Variants in SLC46A2 observed in about 807,000 individuals in gnomAD.
SLC46A2 encodes the protein thymic stromal co-transporter.
Under a neutral mutation model 33.1 loss-of-function variants are expected in SLC46A2, and 25 were observed. The ratio of observed to expected loss-of-function variants is 0.76; its 90% CI spans 0.55 to 1.06. The LOEUF (loss-of-function observed/expected upper bound fraction) is 1.06, where lower values mean the gene tolerates loss of function less well. Ranked by LOEUF, SLC46A2 falls within the 50% of genes least tolerant of loss-of-function variation. The pLI is 0.00. For synonymous variants in SLC46A2, 254 were observed against 275.9 expected (o/e 0.92, Z 0.79); for missense variants, 622 against 621.7 (o/e 1.00, Z 0.00).
In SLC46A2 at chr9:112,890,568, C is replaced by T. The variant is rs750803135; in HGVS notation, c.114G>A (p.Ala38=). The T allele has an allele frequency of 1.9e-5, 31 of 1,612,882 alleles. No individual in the cohort carries two copies. Among genetic ancestry groups the T allele is most frequent in the Non-Finnish European group, 2.2e-5 (26 of 1,180,012 alleles). ...SSQVAASLYD[A]GLLLVVKASY... is the part of the protein sequence containing the mutation. ...ACGCCTTCACCACGAGGAGTAGCCC[C>T]GCATCGTAGAGGGAGGCAGCCACCT... Residue 38 remains alanine, a synonymous_variant, in exon 1 of 4, where the codon GCG becomes GCA. Coordinates refer to ENST00000374228, the MANE Select transcript of SLC46A2 (RefSeq NM_033051.4). This position sits in a 1 kb window ranked among gnomAD's most constrained non-coding sequence, Gnocchi z 6.0.
chr9:112,889,054 C>A (rs1170836928), intron 1 of SLC46A2, among the ~76,000 whole-genome samples: 1 of 152,066 alleles, frequency 6.6e-6, no homozygotes, highest in African/African-American at 2.4e-5. Context: ...CCACACCTGG[C>A]TAATTTTTAT....
intron 1 of SLC46A2, 110 bp downstream of exon 1, chr9:112,889,443 G>T (rs914526902): frequency 1.0e-4 from 124 of 1,194,032 alleles, no homozygotes; most frequent in Non-Finnish European, 1.4e-4. Flanking sequence ...TAGGTAGCAG[G>T]TTCAATCCCT....
In SLC46A2 at chr9:112,890,177, G is replaced by T. The variant is rs201803107; in HGVS notation, c.505C>A (p.Arg169Ser). The T allele has an allele frequency of 2.0e-5, 33 of 1,612,898 alleles. No individual in the cohort carries two copies. The highest frequency in any genetic ancestry group is 2.8e-5 in the Non-Finnish European group (33 of 1,179,906). ...TCAATGAGGATGAGGCGCACAGAGC[G>T]GCGGCCCTCGGAGGAGCCCAGCGAT... ...LGSLGSSEGR[R>S]SVRLILIDLM... is the part of the protein sequence containing the mutation. The change falls in exon 1 of 4, where the codon CGC becomes AGC. Residue 169 changes from arginine to serine, a missense_variant. Transcript: ENST00000374228. The surrounding 1 kb of genome is among the most constrained non-coding windows in gnomAD (Gnocchi z 6.0).
chr9:112,880,034 G>C lies in SLC46A2; in HGVS notation c.1371-215C>G, dbSNP rs1340766170. 11 of 452,666 alleles carry C rather than the reference G, an allele frequency of 2.4e-5. No homozygotes were observed. In the East Asian group the frequency reaches 3.6e-4, roughly 15 times the overall value. 28.0% of individuals were successfully genotyped at this position (452,666 alleles called of 1,614,324 possible). ...CATTTGCTTCCCCATTGTTCCTTTA[G>C]ATAGAATCTCTGGGGGCCAGGCATG... On this transcript the variant is annotated intron_variant, in intron 3 of 3. Coordinates refer to ENST00000374228, the MANE Select transcript of SLC46A2 (RefSeq NM_033051.4).
intron 3 of SLC46A2, among the ~76,000 whole-genome samples, chr9:112,883,920 C>T (rs1482747507): frequency 6.6e-6 from 1 of 152,192 alleles, no homozygotes; most frequent in East Asian, 1.9e-4. Flanking sequence ...TGGTCTCAAA[C>T]TCCTGACCTT....
Position 112,889,569 on chromosome 9 carries a change from T to C in SLC46A2, c.1113A>G (p.Thr371=). ...CAGACTCACCAATATAGAACATGTA[T>C]GTCTCTTTCACAAAAGCCAAGAGGA... ...GALLLAFVKE[T]YMFYIARAVM... The change falls in exon 1 of 4, where the codon ACA becomes ACG. Residue 371 remains threonine, a synonymous_variant. Transcript: ENST00000374228. 1 of 1,612,764 alleles carries C rather than the reference T, an allele frequency of 6.2e-7. No homozygotes were observed. Among genetic ancestry groups the C allele is most frequent in the Non-Finnish European group, 8.5e-7 (1 of 1,179,324 alleles).
intron 3 of SLC46A2, among the ~76,000 whole-genome samples, chr9:112,883,763 T>A (rs1841612268): frequency 6.6e-6 from 1 of 150,630 alleles, no homozygotes; most frequent in African/African-American, 2.4e-5. Context: ...AGTGGCACGA[T>A]CTCAGCTCAC....
At chr9:112,881,008 CTCAAGA>C (rs1410269863) in intron 3 of SLC46A2, among the ~76,000 whole-genome samples, 3 of 152,218 alleles carry the variant, frequency 2.0e-5, no homozygotes, top group African/African-American at 7.2e-5. Flanking sequence ...CCATCTATAT[CTCAAGA>C]TCAAGATTAA....
Position 112,889,880 on chromosome 9 carries a change from C to T in SLC46A2, c.802G>A (p.Gly268Arg). ...GCTTTTCCAGGAGATGGAGGGTGCCCCACTGCATACTGTTGGTCCAACTGA... is the reference window on the plus strand; with the variant it reads ...GCTTTTCCAGGAGATGGAGGGTGCCTCACTGCATACTGTTGGTCCAACTGA... ...PDQLDQQYAV[G>R]HPPSPGKAKP... The change falls in exon 1 of 4, where the codon GGG (glycine) becomes AGG (arginine). Residue 268 changes from glycine (G) to arginine (R), a missense_variant. Coordinates refer to ENST00000374228, the MANE Select transcript of SLC46A2 (RefSeq NM_033051.4). The T allele has an allele frequency of 1.2e-6, 2 of 1,614,210 alleles. No homozygotes were observed. The highest frequency in any genetic ancestry group is 1.7e-6 in the Non-Finnish European group (2 of 1,180,042).
At position 112,879,687 on chromosome 9, in the gene SLC46A2, G is replaced by T; in HGVS notation, c.*75C>A. The T allele has an allele frequency of 7.0e-7, 1 of 1,428,620 alleles. No homozygotes were observed. Among genetic ancestry groups the T allele is most frequent in the Non-Finnish European group, 9.8e-7 (1 of 1,019,040 alleles). The allele number at this position is 1,428,620 out of a possible 1,614,324, so 88.5% of individuals were successfully genotyped here. ...AAGCAGTGGGTTGCTTAGGTCACCA[G>T]TTCCCTGGTCCCTTCTTTTGTCTTC... On this transcript the variant is annotated 3_prime_UTR_variant, in exon 4 of 4. Coordinates refer to ENST00000374228, the MANE Select transcript of SLC46A2 (RefSeq NM_033051.4).
In SLC46A2 at chr9:112,879,552, G is replaced by C. The variant is rs902597936; in HGVS notation, c.*210C>G. 3.7e-6 allele frequency: 2 copies of C among 535,870 alleles called. No homozygotes were observed. The highest frequency in any genetic ancestry group is 5.2e-5 in the South Asian group (2 of 38,284). The allele number at this position is 535,870 out of a possible 1,614,324, so 33.2% of individuals were successfully genotyped here. ...GTCTGCCTAATGGGGGTGTCTTAAA[G>C]CTGAGAACGTTTTTCCATCACCAGG... On this transcript the variant is annotated 3_prime_UTR_variant, in exon 4 of 4. Coordinates refer to ENST00000374228, the MANE Select transcript of SLC46A2 (RefSeq NM_033051.4).
In SLC46A2 at chr9:112,889,538, G is replaced by T; in HGVS notation, c.1129+15C>A. On this transcript the variant is annotated intron_variant, in intron 1 of 3. Transcript: ENST00000374228. ...GGCTAGCAATGTCCTGCCTCCTCAA[G>T]AATGACAGACTCACCAATATAGAAC... 1 of 1,589,008 alleles carries T rather than the reference G, an allele frequency of 6.3e-7. No homozygotes were observed. Among genetic ancestry groups the T allele is most frequent in the South Asian group, 1.1e-5 (1 of 86,968 alleles).
intron 3 of SLC46A2, chr9:112,880,072 T>C: frequency 2.7e-6 from 1 of 367,338 alleles, no homozygotes; most frequent in Non-Finnish European, 5.0e-6. Context: ...GGCTTATGCC[T>C]GTAATCCCAA....
Position 112,889,790 on chromosome 9 carries a change from C to T in SLC46A2, c.892G>A (p.Val298Met). Residue 298 changes from valine (V) to methionine (M), a missense_variant, in exon 1 of 4, where the codon GTG becomes ATG. By Grantham distance (21) the Val-to-Met change is conservative. Coordinates refer to ENST00000374228, the MANE Select transcript of SLC46A2 (RefSeq NM_033051.4). ...VGAIIYDLAV[V>M]GTVDVIPLFV... ...AGAGGGATCACGTCCACTGTGCCCACCACCGCCAGGTCATATATGATAGCA... is the reference window on the plus strand; with the variant it reads ...AGAGGGATCACGTCCACTGTGCCCATCACCGCCAGGTCATATATGATAGCA... 1 of 1,614,210 alleles carries T rather than the reference C, an allele frequency of 6.2e-7. No individual in the cohort carries two copies. Among genetic ancestry groups the T allele is most frequent in the African/African-American group, 1.3e-5 (1 of 75,046 alleles).
chr9:112,887,477 CA>C (rs1841657188), intron 1 of SLC46A2, 64 bp from the exon 2 acceptor site: 3 of 1,451,424 alleles, frequency 2.1e-6, no homozygotes, highest in Non-Finnish European at 2.8e-6. Flanking sequence ...AGGAAATTAT[CA>C]AAAGCCTCTC....
rs1047200277 is a variant in SLC46A2 at position 112,890,811 on chromosome 9, A to T, written c.-130T>A. 2.2e-4 allele frequency: 163 copies of T among 746,970 alleles called. No individual in the cohort carries two copies. Among genetic ancestry groups the T allele is most frequent in the Middle Eastern group, 1.6e-3 (4 of 2,568 alleles). 46.3% of individuals were successfully genotyped at this position (746,970 alleles called of 1,614,324 possible). On this transcript the variant is annotated 5_prime_UTR_variant, in exon 1 of 4. Transcript: ENST00000374228. This position sits in a 1 kb window ranked among gnomAD's most constrained non-coding sequence, Gnocchi z 6.0. ...GTGTGCTCCGTGCGCCGGGAGCGCG[A>T]GTGTGCTCCGTGCGCCGGGAGCGCG... is the stretch of plus-strand genomic sequence containing the variant.
rs982140815 is a variant in SLC46A2, at chr9:112,879,788, G to T, written c.1402C>A (p.Pro468Thr). 1 of 1,613,076 alleles carries T rather than the reference G, an allele frequency of 6.2e-7. No homozygotes were observed. The highest frequency in any genetic ancestry group is 1.3e-5 in the African/African-American group (1 of 75,012). The part of the protein sequence containing the change: ...IVAYKQVPLS[P>T]YGDIIEK ...CATTTCTCTATGATGTCTCCATATG[G>T]TGACAATGGGACTTGTTTATAGGCC... The change falls in exon 4 of 4, where the codon CCA becomes ACA. Residue 468 changes from proline to threonine, a missense_variant. By Grantham distance (38) the Pro-to-Thr change is conservative (BLOSUM62 -1). Coordinates refer to ENST00000374228, the MANE Select transcript of SLC46A2 (RefSeq NM_033051.4).
chr9:112,883,167 A>C (rs963316556), intron 3 of SLC46A2, among the ~76,000 whole-genome samples: 1 of 152,176 alleles, frequency 6.6e-6, no homozygotes, highest in African/African-American at 2.4e-5. Flanking sequence ...GTGAGAAGAA[A>C]GTGAATGGGA....
At chr9:112,884,354 G>T (rs1369499526) in intron 3 of SLC46A2, among the ~76,000 whole-genome samples, 2 of 152,230 alleles carry the variant, frequency 1.3e-5, no homozygotes, top group Non-Finnish European at 2.9e-5. Context: ...TCTTCCTGTG[G>T]TTCGAAAGCT....
Sources: allele counts gnomAD v4.1 joint callset (sites outside exome capture counted in the v4.1 genomes callset), GRCh38; gene constraint gnomAD v4.1.1; non-coding constraint Gnocchi (gnomAD v3.1); transcripts MANE v1.5; gene names NCBI Gene and HGNC (gene_info 2026-07-23, HGNC 2026-07-21).